The following PHF21A variants were observed in gnomAD, a reference collection of about 807,000 sequenced individuals.
The protein encoded by PHF21A is PHD finger protein 21A.
A neutral mutation model predicts 82.5 loss-of-function variants in PHF21A; 11 were observed. The ratio of observed to expected loss-of-function variants is 0.13; its 90% CI spans 0.08 to 0.22. PHF21A has a LOEUF of 0.22. Ranked by LOEUF, PHF21A falls within the 10% of genes least tolerant of loss-of-function variation. PHF21A has a pLI of 1.00. For synonymous variants in PHF21A, 297 were observed against 302.8 expected, an observed-to-expected ratio of 0.98 and a Z score of 0.20; for missense variants, 579 against 837.8, an observed-to-expected ratio of 0.69 and a Z score of 3.81.
At chr11:46,007,460 C>T (rs530530096) in intron 6 of PHF21A, among the ~76,000 whole-genome samples, 7 of 152,000 alleles carry the variant, frequency 4.6e-5, no homozygotes, top group Non-Finnish European at 1.0e-4. Flanking sequence ...TTTACAGGTG[C>T]CCACGACCAT....
intron 1 of PHF21A, among the ~76,000 whole-genome samples, chr11:46,096,776 T>C (rs1359649260): frequency 1.3e-5 from 2 of 152,176 alleles, no homozygotes; most frequent in Admixed American, 1.3e-4. Flanking sequence ...CAATTCCCAA[T>C]GTTTATCTCT....
intron 6 of PHF21A, among the ~76,000 whole-genome samples, chr11:46,034,820 A>G (rs1316874132): frequency 1.3e-5 from 2 of 152,212 alleles, no homozygotes; most frequent in Non-Finnish European, 2.9e-5. Flanking sequence ...GATTGGTCTG[A>G]GCCCTACAAG....
At chr11:46,017,972 C>T (rs953212711) in intron 6 of PHF21A, among the ~76,000 whole-genome samples, 12 of 152,034 alleles carry the variant, frequency 7.9e-5, no homozygotes, top group Non-Finnish European at 1.6e-4. Flanking sequence ...TGTCCTAGGC[C>T]GGGCGCGGTG....
Position 46,052,649 on chromosome 11 carries a change from T to A in PHF21A, c.153+24105A>T, listed in dbSNP as rs184234709. On this transcript the variant is annotated intron_variant, in intron 6 of 18. Transcript: ENST00000676320. ...GAAGAAAGATATTCATGAAGCTAAATTGCTCCTAGCTGCTAGTGCTGATAA... is the reference window on the plus strand; with the variant it reads ...GAAGAAAGATATTCATGAAGCTAAAATGCTCCTAGCTGCTAGTGCTGATAA... Among the ~76,000 whole-genome samples the A allele has an allele frequency of 2.8e-4, 43 of 152,346 alleles. No homozygotes were observed. The East Asian group carries it at 7.5e-3, about 27-fold the overall frequency.
chr11:46,119,259 C>T (rs1419212707), intron 1 of PHF21A, among the ~76,000 whole-genome samples: 1 of 152,206 alleles, frequency 6.6e-6, no homozygotes, highest in Non-Finnish European at 1.5e-5. Context: ...ATGCACAACT[C>T]CTTCCCCAGC....
intron 18 of PHF21A, chr11:45,934,793 G>T (rs1357753465): frequency 2.9e-6 from 1 of 350,000 alleles, no homozygotes; most frequent in Non-Finnish European, 5.6e-6. Flanking sequence ...CTCAGCCGGG[G>T]ACTTAGAGTC....
rs2088064645 is a variant in PHF21A at position 45,933,905 on chromosome 11, G to A, written c.*63C>T. The A allele has an allele frequency of 2.1e-6, 3 of 1,425,110 alleles. No homozygotes were observed. In the South Asian group the frequency reaches 4.6e-5, roughly 22 times the overall value. The allele number at this position is 1,425,110 out of a possible 1,614,324, so 88.3% of individuals were successfully genotyped here. ...CCAGAAATCCGGCTTTGCTTTTCTA[G>A]AGTCTTCAGTGTTCTGTTCTCCTTG... On this transcript the variant is annotated 3_prime_UTR_variant, in exon 19 of 19. Coordinates refer to ENST00000676320, the MANE Select transcript of PHF21A (RefSeq NM_001352027.3).
intron 6 of PHF21A, chr11:46,027,163 C>T (rs2138117636): frequency 6.6e-6 from 1 of 152,316 alleles, no homozygotes; most frequent in East Asian, 1.9e-4. Context: ...AGCTGTCTCA[C>T]ATCACTCTGC....
At chr11:46,112,067 A>G (rs571859930) in intron 1 of PHF21A, among the ~76,000 whole-genome samples, 1 of 152,350 alleles carries the variant, frequency 6.6e-6, no homozygotes, top group East Asian at 1.9e-4. Context: ...GAAGTCAACC[A>G]AAGGCTTGTG....
rs949587301 is a variant in PHF21A at position 45,930,247 on chromosome 11, G to A, written c.*3721C>T. On this transcript the variant is annotated 3_prime_UTR_variant, in exon 19 of 19. Coordinates refer to ENST00000676320, the MANE Select transcript of PHF21A (RefSeq NM_001352027.3). The stretch of plus-strand genomic sequence containing the variant: ...GAGAGGCAGCCGTGCATGCGGAGAC[G>A]GAAGCGTGCTGCAGACACGGTCACC... 2.6e-5 allele frequency: 4 copies of A among 152,262 alleles called. No homozygotes were observed. Among genetic ancestry groups the A allele is most frequent in the Non-Finnish European group, 5.9e-5 (4 of 68,082 alleles). The allele number at this position is 152,262 out of a possible 1,614,324, so 9.4% of individuals were successfully genotyped here. A position where few individuals can be genotyped will look rare whatever the true frequency, so the allele number is the denominator to read the frequency against.
At chr11:46,082,645 TC>T (rs1305918281) in intron 4 of PHF21A, among the ~76,000 whole-genome samples, 1 of 152,138 alleles carries the variant, frequency 6.6e-6, no homozygotes, top group Non-Finnish European at 1.5e-5. Flanking sequence ...AAGAACTATA[TC>T]CCTTTTGAGT....
chr11:46,005,393 A>G (rs542058230), intron 6 of PHF21A, among the ~76,000 whole-genome samples: 100 of 152,358 alleles, frequency 6.6e-4, no homozygotes, highest in Non-Finnish European at 1.2e-3. Context: ...TGCACAATAT[A>G]TTAACGCCTT....
chr11:46,030,831 G>GTA (rs2095851601), intron 6 of PHF21A, among the ~76,000 whole-genome samples: 1 of 3,524 alleles, frequency 2.8e-4, no homozygotes, highest in Non-Finnish European at 5.5e-4. Flanking sequence ...GTGTGTGTGC[G>GTA]TGTGTGTGTG....
At chr11:45,996,593 T>C (rs1395919003) in intron 6 of PHF21A, among the ~76,000 whole-genome samples, 1 of 152,234 alleles carries the variant, frequency 6.6e-6, no homozygotes, top group Non-Finnish European at 1.5e-5. Flanking sequence ...CTACTCTCCA[T>C]ATGCACAAAG....
intron 9 of PHF21A, among the ~76,000 whole-genome samples, chr11:45,966,455 T>C (rs923808029): frequency 3.3e-5 from 5 of 152,138 alleles, no homozygotes; most frequent in African/African-American, 9.7e-5. Context: ...CTATCTACTA[T>C]CCTAGCTTAT....
At chr11:46,090,953 TA>T (rs1411628830) in intron 2 of PHF21A, among the ~76,000 whole-genome samples, 1 of 152,170 alleles carries the variant, frequency 6.6e-6, no homozygotes, top group African/African-American at 2.4e-5. Flanking sequence ...ATAAATGGGT[TA>T]AGGTCGCTTC....
intron 6 of PHF21A, among the ~76,000 whole-genome samples, chr11:46,072,412 A>G (rs1230560889): frequency 6.6e-6 from 1 of 152,208 alleles, no homozygotes; most frequent in Non-Finnish European, 1.5e-5. Flanking sequence ...TGGAGCAGCT[A>G]TTTTGGACTA....
chr11:46,059,475 G>A (rs894866382), intron 6 of PHF21A, among the ~76,000 whole-genome samples: 1 of 152,068 alleles, frequency 6.6e-6, no homozygotes, highest in Admixed American at 6.5e-5. Context: ...GCCCAGATGG[G>A]AGTGCAGTGG....
At chr11:45,943,739 C>T (rs971053013) in intron 15 of PHF21A, among the ~76,000 whole-genome samples, 10 of 152,148 alleles carry the variant, frequency 6.6e-5, no homozygotes, top group African/African-American at 2.4e-4. Flanking sequence ...AGGAAAAAGG[C>T]ACATTTACAG....
Sources: gnomAD v4.1 joint callset for allele counts (sites outside exome capture counted in the v4.1 genomes callset) on GRCh38, gnomAD v4.1.1 for gene constraint, MANE v1.5 for transcripts, NCBI Gene and HGNC (gene_info 2026-07-23, HGNC 2026-07-21) for gene names.